The following EGLN1 variants were observed in gnomAD, a reference collection of about 807,000 sequenced individuals.
EGLN1 encodes the protein egl-9 family hypoxia inducible factor 1.
Under a neutral mutation model 38.3 loss-of-function variants are expected in EGLN1, and 17 were observed. The ratio of observed to expected loss-of-function variants is 0.44; its 90% CI spans 0.30 to 0.67. The LOEUF is 0.67. Among genes scored for constraint, EGLN1 ranks in the 30% least tolerant of loss-of-function variants. The pLI, the probability that EGLN1 is intolerant of heterozygous loss-of-function variation, is 0.08. For missense variants in EGLN1, 477 were observed against 603.3 expected (o/e 0.79, Z 2.19); for synonymous variants, 283 against 257.5 (o/e 1.10, Z -0.95).
At position 231,372,612 on chromosome 1, in the gene EGLN1, A is replaced by G. The variant is rs553650422; in HGVS notation, c.1011+1368T>C. ...GTGCCTTGGGCTCAAATTCAATTACAAAATTTATTTCTCTACTTCAAACTT... is the reference window on the plus strand; with the variant it reads ...GTGCCTTGGGCTCAAATTCAATTACGAAATTTATTTCTCTACTTCAAACTT... On this transcript the variant is annotated intron_variant, in intron 2 of 4. Coordinates refer to ENST00000366641, the MANE Select transcript of EGLN1 (RefSeq NM_022051.3). Among the ~76,000 whole-genome samples, 21 of 152,330 alleles carry G rather than the reference A, an allele frequency of 1.4e-4. No individual in the cohort carries two copies. The South Asian group carries it at 3.3e-3, about 24-fold the overall frequency.
At position 231,422,004 on chromosome 1, in the gene EGLN1, T is replaced by C. The variant is rs925637505; in HGVS notation, c.-116A>G. 2.7e-5 allele frequency: 30 copies of C among 1,127,198 alleles called. No individual in the cohort carries two copies. Among genetic ancestry groups the C allele is most frequent in the Admixed American group, 1.7e-4 (4 of 22,938 alleles). The allele number at this position is 1,127,198 out of a possible 1,614,324, so 69.8% of individuals were successfully genotyped here. ...AGAGATAGGGGCCGTTACTGCGCCA[T>C]GCACCCGCTACCCTCGCCTCAGGGA... is the stretch of plus-strand genomic sequence containing the variant. On this transcript the variant is annotated 5_prime_UTR_variant, in exon 1 of 5. It removes an upstream start codon present in the reference 5' UTR. Coordinates refer to ENST00000366641, the MANE Select transcript of EGLN1 (RefSeq NM_022051.3).
intron 1 of EGLN1, 76 bp downstream of exon 1, chr1:231,420,922 T>C: frequency 2.5e-6 from 4 of 1,612,648 alleles, no homozygotes; most frequent in Non-Finnish European, 2.5e-6. Flanking sequence ...CTTCTCAGCC[T>C]AGGCAGTTTC....
intron 1 of EGLN1, among the ~76,000 whole-genome samples, chr1:231,403,801 C>T (rs892834565): frequency 7.3e-6 from 1 of 137,668 alleles, no homozygotes; most frequent in African/African-American, 2.7e-5. Context: ...AAGATTTTTA[C>T]AGTTAAAATA....
chr1:231,392,438 A>G (rs1688417593), intron 1 of EGLN1, among the ~76,000 whole-genome samples: 1 of 152,224 alleles, frequency 6.6e-6, no homozygotes, highest in Non-Finnish European at 1.5e-5. Context: ...CATACTATGT[A>G]GAAAAATTGG....
intron 1 of EGLN1, among the ~76,000 whole-genome samples, chr1:231,405,776 G>C (rs1688773679): frequency 6.6e-6 from 1 of 152,058 alleles, no homozygotes; most frequent in South Asian, 2.1e-4. Flanking sequence ...ACACATTAAA[G>C]AAAAAGCTTA....
chr1:231,371,165 C>T (rs1468177766), intron 2 of EGLN1, among the ~76,000 whole-genome samples: 1 of 152,196 alleles, frequency 6.6e-6, no homozygotes, highest in African/African-American at 2.4e-5. Flanking sequence ...GCTGGTATTA[C>T]AGGTGTGAGC....
Position 231,421,289 on chromosome 1 carries a change from C to T in EGLN1, c.600G>A (p.Pro200=). 1 of 1,613,258 alleles carries T rather than the reference C, an allele frequency of 6.2e-7. No individual in the cohort carries two copies. The highest frequency in any genetic ancestry group is 1.1e-5 in the South Asian group (1 of 91,064). The part of the protein sequence containing the change: ...ALKLALEYIV[P]CMNKHGICVV... ...CACAGATGCCGTGCTTGTTCATGCACGGCACGATGTACTCGAGCGCCAGCT... is the reference window on the plus strand; with the variant it reads ...CACAGATGCCGTGCTTGTTCATGCATGGCACGATGTACTCGAGCGCCAGCT... The change falls in exon 1 of 5, where the codon CCG becomes CCA. Residue 200 remains proline, a synonymous_variant. Transcript: ENST00000366641. This position sits in a 1 kb window ranked among gnomAD's most constrained non-coding sequence, Gnocchi z 5.5.
intron 1 of EGLN1, among the ~76,000 whole-genome samples, chr1:231,380,464 G>GTGTGTA (rs145664309): frequency 1.3e-5 from 2 of 151,350 alleles, no homozygotes; most frequent in Admixed American, 1.3e-4. Flanking sequence ...TAAATGATAG[G>GTGTGTA]TATATATATA....
intron 1 of EGLN1, among the ~76,000 whole-genome samples, chr1:231,375,130 C>G (rs1233504624): frequency 1.3e-5 from 2 of 152,200 alleles, no homozygotes; most frequent in Non-Finnish European, 2.9e-5. Context: ...ACGATCTCAG[C>G]TCACTGCCTC....
At chr1:231,412,940 C>G (rs780249783) in intron 1 of EGLN1, among the ~76,000 whole-genome samples, 4 of 152,194 alleles carry the variant, frequency 2.6e-5, no homozygotes, top group Non-Finnish European at 5.9e-5. Context: ...TCTAATGTAT[C>G]AGCAAATCTC....
intron 1 of EGLN1, among the ~76,000 whole-genome samples, chr1:231,418,447 G>C (rs1165255693): frequency 6.6e-6 from 1 of 152,204 alleles, no homozygotes; most frequent in Non-Finnish European, 1.5e-5. Flanking sequence ...GCATGGGTTT[G>C]ATATCTGAAT....
intron 1 of EGLN1, among the ~76,000 whole-genome samples, chr1:231,374,567 G>C (rs999244735): frequency 2.0e-5 from 3 of 150,586 alleles, no homozygotes; most frequent in African/African-American, 7.3e-5. Context: ...GCTCAGGTTC[G>C]AGTGCAGTGA....
chr1:231,368,203 G>C lies in EGLN1; in HGVS notation c.1149-567C>G, dbSNP rs574657876. 3.3e-5 allele frequency among the ~76,000 whole-genome samples: 5 copies of C among 151,944 alleles called. No homozygotes were observed. The East Asian group carries it at 7.7e-4, about 24-fold the overall frequency. On this transcript the variant is annotated intron_variant, in intron 3 of 4. Coordinates refer to ENST00000366641, the MANE Select transcript of EGLN1 (RefSeq NM_022051.3). ...GAGCCTCCCTCTAAAAAAAAAGAGA[G>C]ACAATAAAAGGGTAAAAGAATGGCT...
chr1:231,391,043 A>C (rs2102914917), intron 1 of EGLN1, among the ~76,000 whole-genome samples: 1 of 132,156 alleles, frequency 7.6e-6, no homozygotes, highest in Admixed American at 7.7e-5. Flanking sequence ...CTGATTCACC[A>C]CGACCGACGC....
chr1:231,391,100 G>GTGTGTGTGTA (rs1688367577), intron 1 of EGLN1, among the ~76,000 whole-genome samples: 1 of 139,764 alleles, frequency 7.2e-6, no homozygotes, highest in African/African-American at 2.9e-5. Flanking sequence ...TTTTGTGTGT[G>GTGTGTGTGTA]TGTGTGTGTG....
chr1:231,371,829 C>CT (rs200953457), intron 2 of EGLN1, among the ~76,000 whole-genome samples: 2,202 of 152,292 alleles, frequency 0.014, 24 homozygotes, highest in Non-Finnish European at 0.022. Flanking sequence ...TAAAGAAACT[C>CT]TAACACCTGG....
intron 1 of EGLN1, among the ~76,000 whole-genome samples, chr1:231,395,154 TC>T (rs952912845): frequency 4.6e-5 from 7 of 152,208 alleles, no homozygotes; most frequent in African/African-American, 1.7e-4. Context: ...TGCTTCTTTA[TC>T]AGCTGCTCCC....
rs1399925375 is a variant in EGLN1 at position 231,421,651 on chromosome 1, G to A, written c.238C>T (p.Pro80Ser). The A allele has an allele frequency of 6.9e-6, 10 of 1,457,680 alleles. No homozygotes were observed. Among genetic ancestry groups the A allele is most frequent in the Non-Finnish European group, 9.0e-6 (10 of 1,108,662 alleles). The allele number at this position is 1,457,680 out of a possible 1,614,324, so 90.3% of individuals were successfully genotyped here. The change falls in exon 1 of 5, where the codon CCG becomes TCG. Residue 80 changes from proline to serine, a missense_variant. Physicochemically the swap from Pro to Ser is moderately conservative, Grantham distance 74 (BLOSUM62 -1). Coordinates refer to ENST00000366641, the MANE Select transcript of EGLN1 (RefSeq NM_022051.3). This position sits in a 1 kb window ranked among gnomAD's most constrained non-coding sequence, Gnocchi z 5.5. ...GPHQHSGPAP[P>S]AAVPPPRAGA... ...GCCCTGGGCGGCGGCACTGCAGCCG[G>A]CGGCGCGGGGCCGGAATGCTGGTGT...
At chr1:231,390,914 C>T (rs909816986) in intron 1 of EGLN1, among the ~76,000 whole-genome samples, 2 of 151,570 alleles carry the variant, frequency 1.3e-5, no homozygotes, top group African/African-American at 4.9e-5. Flanking sequence ...GTGGCGTGAT[C>T]ATAGCTCACC....
Sources: allele counts gnomAD v4.1 joint callset (sites outside exome capture counted in the v4.1 genomes callset), GRCh38; gene constraint gnomAD v4.1.1; non-coding constraint Gnocchi (gnomAD v3.1); transcripts MANE v1.5; gene names NCBI Gene and HGNC (gene_info 2026-07-23, HGNC 2026-07-21).